The following MND1 variants were observed in gnomAD, a reference collection of about 807,000 sequenced individuals.
MND1 encodes the protein meiotic nuclear divisions 1, also known as meiotic nuclear division protein 1 homolog.
MND1 carries 28 observed loss-of-function variants against 35.1 expected under a neutral mutation model. The ratio of observed to expected loss-of-function variants is 0.80; its 90% CI spans 0.59 to 1.09. The LOEUF (loss-of-function observed/expected upper bound fraction) is 1.09. Ranked by LOEUF, MND1 falls within the 50% of genes least tolerant of loss-of-function variation. The pLI is 0.00. For missense variants in MND1, 213 were observed against 239.6 expected (o/e 0.89, Z 0.73); for synonymous variants, 69 against 70.5 (o/e 0.98, Z 0.11).
At chr4:153,372,432 C>A (rs1478167796) in intron 4 of MND1, among the ~76,000 whole-genome samples, 7 of 152,062 alleles carry the variant, frequency 4.6e-5, no homozygotes, top group African/African-American at 1.7e-4. Context: ...TTTTTAAAAG[C>A]AGCTCTAATG....
rs562148985 is a variant in MND1 at position 153,363,724 on chromosome 4, T to C, written c.276+5102T>C. Among the ~76,000 whole-genome samples the C allele has an allele frequency of 4.3e-4, 66 of 152,258 alleles. No individual in the cohort carries two copies. The South Asian group carries it at 0.013, about 30-fold the overall frequency. ...GTTCCTCTGTGGCATGATCAGGAGTTCGGACCTACCTAAGAGGGATGGAAA... is the reference window on the plus strand; with the variant it reads ...GTTCCTCTGTGGCATGATCAGGAGTCCGGACCTACCTAAGAGGGATGGAAA... On this transcript the variant is annotated intron_variant, in intron 4 of 7. Coordinates refer to ENST00000240488, the MANE Select transcript of MND1 (RefSeq NM_032117.4).
chr4:153,415,011 C>T lies in MND1; in HGVS notation c.*154C>T, dbSNP rs1016177486. On this transcript the variant is annotated 3_prime_UTR_variant, in exon 8 of 8. Transcript: ENST00000240488. ...TGTAAAATGCAGATGTTCTTCACCC[C>T]TTTTGGTAGAACAAAAGCAGGATGA... is the stretch of plus-strand genomic sequence containing the variant. 3 of 402,834 alleles carry T rather than the reference C, an allele frequency of 7.4e-6. No individual in the cohort carries two copies. The highest frequency in any genetic ancestry group is 2.1e-5 in the African/African-American group (1 of 48,212). 25.0% of individuals were successfully genotyped at this position (402,834 alleles called of 1,614,324 possible). A position where few individuals can be genotyped will look rare whatever the true frequency, so the allele number is the denominator to read the frequency against.
At chr4:153,345,249 T>C in intron 1 of MND1, 1 of 818,920 alleles carries the variant, frequency 1.2e-6, no homozygotes. Context: ...AGCGCACTCC[T>C]GGTTTGTCAC....
At chr4:153,381,040 T>C (rs994782487) in intron 4 of MND1, among the ~76,000 whole-genome samples, 8 of 151,738 alleles carry the variant, frequency 5.3e-5, no homozygotes, top group Middle Eastern at 3.2e-3. Flanking sequence ...GCTGGGACTA[T>C]AGGCGCCTGC....
chr4:153,378,898 A>G (rs1436492860), intron 4 of MND1, among the ~76,000 whole-genome samples: 1 of 152,216 alleles, frequency 6.6e-6, no homozygotes, highest in Non-Finnish European at 1.5e-5. Context: ...TAGTGCATGT[A>G]TAAGTGTCTA....
intron 4 of MND1, among the ~76,000 whole-genome samples, chr4:153,363,504 A>G (rs10007316): frequency 0.55 from 83,261 of 152,026 alleles, 24,632 homozygotes; most frequent in African/African-American, 0.8. Context: ...GAGCCATTGC[A>G]CCCGGCCTTA....
chr4:153,400,057 A>T (rs1227067532), intron 6 of MND1, among the ~76,000 whole-genome samples: 1 of 151,744 alleles, frequency 6.6e-6, no homozygotes, highest in East Asian at 1.9e-4. Flanking sequence ...ACATGTCACT[A>T]CACCCAGCTA....
intron 5 of MND1, 147 bp downstream of exon 5, chr4:153,394,483 C>T (rs1729146292): frequency 1.8e-6 from 1 of 559,652 alleles, no homozygotes; most frequent in Admixed American, 3.4e-5. Flanking sequence ...TGGTAGGATT[C>T]ACCAATTGTG....
intron 4 of MND1, among the ~76,000 whole-genome samples, chr4:153,386,479 C>T (rs981589053): frequency 6.6e-6 from 1 of 152,030 alleles, no homozygotes; most frequent in African/African-American, 2.4e-5. Flanking sequence ...GCCTGAGCAA[C>T]AGTGGGAGAC....
chr4:153,375,830 A>C (rs1398894091), intron 4 of MND1, among the ~76,000 whole-genome samples: 2 of 152,196 alleles, frequency 1.3e-5, no homozygotes, highest in Admixed American at 6.5e-5. Flanking sequence ...TTTGAGGTGT[A>C]GTGATTTATT....
At chr4:153,404,709 C>A (rs1414322850) in intron 6 of MND1, among the ~76,000 whole-genome samples, 2 of 151,104 alleles carry the variant, frequency 1.3e-5, no homozygotes, top group African/African-American at 2.4e-5. Flanking sequence ...GAACTCCTGA[C>A]CTCCGGTGAT....
chr4:153,397,204 CTA>C lies in MND1; in HGVS notation c.352-13_352-12del, dbSNP rs1561076246. 1.9e-6 allele frequency: 3 copies of C among 1,586,516 alleles called. No individual in the cohort carries two copies. The highest frequency in any genetic ancestry group is 2.6e-6 in the Non-Finnish European group (3 of 1,162,552). On this transcript the variant is annotated splice_polypyrimidine_tract_variant and intron_variant, in intron 5 of 7. Transcript: ENST00000240488. Reference sequence around the variant, plus strand: ...TTGTTTGTCTTAATTGAACATAAAACTATCTGGAATGCAGGAAGAGCGAACCA... The same window carrying C: ...TTGTTTGTCTTAATTGAACATAAAACTCTGGAATGCAGGAAGAGCGAACCA...
chr4:153,404,787 C>T (rs777704846), intron 6 of MND1, among the ~76,000 whole-genome samples: 26 of 152,170 alleles, frequency 1.7e-4, no homozygotes, highest in Admixed American at 1.3e-4. Context: ...CCCAAAAATT[C>T]GTTCTTTAAG....
intron 4 of MND1, among the ~76,000 whole-genome samples, chr4:153,382,531 G>A (rs985399783): frequency 6.6e-6 from 1 of 152,176 alleles, no homozygotes; most frequent in Non-Finnish European, 1.5e-5. Context: ...AAAAGTAAGA[G>A]TATTATTCTC....
chr4:153,375,689 A>T (rs142711971), intron 4 of MND1, among the ~76,000 whole-genome samples: 1 of 152,086 alleles, frequency 6.6e-6, no homozygotes, highest in South Asian at 2.1e-4. Context: ...GAATGTTTTT[A>T]TATTCTTTTG....
chr4:153,403,756 T>A (rs1347276812), intron 6 of MND1, among the ~76,000 whole-genome samples: 1 of 151,512 alleles, frequency 6.6e-6, no homozygotes, highest in African/African-American at 2.4e-5. Context: ...CCTTATATTA[T>A]TTTTTAAATT....
chr4:153,400,997 C>T (rs1486477080), intron 6 of MND1, among the ~76,000 whole-genome samples: 1 of 152,148 alleles, frequency 6.6e-6, no homozygotes. Flanking sequence ...GAAAAATACA[C>T]TATGGTAAAT....
chr4:153,394,101 T>A (rs1729131598), intron 4 of MND1, among the ~76,000 whole-genome samples, 161 bp from the exon 5 acceptor site: 1 of 152,002 alleles, frequency 6.6e-6, no homozygotes, highest in Non-Finnish European at 1.5e-5. Flanking sequence ...TTTCACCGTG[T>A]TGGCCAGGAT....
chr4:153,386,947 G>A (rs1209396550), intron 4 of MND1, among the ~76,000 whole-genome samples: 1 of 152,198 alleles, frequency 6.6e-6, no homozygotes, highest in Non-Finnish European at 1.5e-5. Context: ...TAGGGATGGT[G>A]CAGAGGAGGT....
Sources: gnomAD v4.1 joint callset for allele counts (sites outside exome capture counted in the v4.1 genomes callset) on GRCh38, gnomAD v4.1.1 for gene constraint, MANE v1.5 for transcripts, NCBI Gene and HGNC (gene_info 2026-07-23, HGNC 2026-07-21) for gene names.